LCOR: variants seen among roughly 807,000 people sequenced by gnomAD.
The protein encoded by LCOR is ligand-dependent corepressor.
A neutral mutation model predicts 64.4 loss-of-function variants in LCOR; 14 were observed. The ratio of observed to expected loss-of-function variants is 0.22; its 90% CI spans 0.14 to 0.34. LCOR has a LOEUF of 0.34. Ranked by LOEUF, LCOR falls within the 10% of genes least tolerant of loss-of-function variation. The pLI, the probability that LCOR is intolerant of heterozygous loss-of-function variation, is 1.00. For synonymous variants in LCOR, 643 were observed against 642.5 expected (o/e 1.00, Z -0.01); for missense variants, 1,686 against 1,765.3 (o/e 0.96, Z 0.80).
At chr10:96,905,854 GCTCT>G (rs942111578) in intron 2 of LCOR, among the ~76,000 whole-genome samples, 1 of 152,070 alleles carries the variant, frequency 6.6e-6, no homozygotes, top group African/African-American at 2.4e-5. Context: ...AGAAAAACCA[GCTCT>G]CTAATTACAG....
chr10:96,952,835 A>C (rs2134529165), intron 7 of LCOR, among the ~76,000 whole-genome samples: 1 of 152,328 alleles, frequency 6.6e-6, no homozygotes, highest in East Asian at 1.9e-4. Flanking sequence ...TAGAAAAGTC[A>C]GGTATTAATA....
chr10:96,871,605 A>G (rs1339274956), intron 2 of LCOR, among the ~76,000 whole-genome samples: 2 of 143,222 alleles, frequency 1.4e-5, no homozygotes, highest in Non-Finnish European at 3.0e-5. Context: ...GCTAGTTTTT[A>G]TAGAAACGGA....
At chr10:96,930,705 G>A (rs1395641704) in intron 4 of LCOR, among the ~76,000 whole-genome samples, 1 of 152,180 alleles carries the variant, frequency 6.6e-6, no homozygotes, top group Non-Finnish European at 1.5e-5. Flanking sequence ...CAATGTGATA[G>A]TATTAAGAGG....
intron 5 of LCOR, among the ~76,000 whole-genome samples, chr10:96,945,134 TCTTA>T (rs1171822633): frequency 3.9e-5 from 6 of 152,218 alleles, no homozygotes; most frequent in Non-Finnish European, 7.4e-5. Context: ...TCTTAAATAT[TCTTA>T]CTTAATCTTC....
chr10:96,982,689 C>T lies in LCOR; in HGVS notation c.2229C>T (p.Val743=), dbSNP rs767002864. ...VESGDTQELN[V]DPLLKESSTF... is the part of the protein sequence containing the mutation. ...CTGGAGACACCCAGGAGCTAAATGTCGACCCACTCTTGAAGGAAAGCAGCA... is the reference window on the plus strand; with the variant it reads ...CTGGAGACACCCAGGAGCTAAATGTTGACCCACTCTTGAAGGAAAGCAGCA... Residue 743 remains valine, a synonymous_variant, in exon 8 of 8, where the codon GTC becomes GTT. Transcript: ENST00000421806. 12 of 1,614,050 alleles carry T rather than the reference C, an allele frequency of 7.4e-6. No individual in the cohort carries two copies. Among genetic ancestry groups the T allele is most frequent in the Admixed American group, 3.3e-5 (2 of 60,010 alleles).
At chr10:96,877,584 A>G (rs1412416770) in intron 2 of LCOR, among the ~76,000 whole-genome samples, 1 of 146,376 alleles carries the variant, frequency 6.8e-6, no homozygotes, top group South Asian at 2.1e-4. Context: ...AAGGGTGTCA[A>G]CTCATTTTTC....
chr10:96,983,073 A>G lies in LCOR; in HGVS notation c.2613A>G (p.Leu871=). 6.2e-7 allele frequency: 1 copy of G among 1,613,778 alleles called. No individual in the cohort carries two copies. Among genetic ancestry groups the G allele is most frequent in the East Asian group, 2.2e-5 (1 of 44,862 alleles). The part of the protein sequence containing the change: ...HPGGTTPKGL[L]PDSFHTETLE... The stretch of plus-strand genomic sequence containing the variant: ...GTGGGACAACACCTAAGGGCCTTCT[A>G]CCTGACAGTTTCCACACGGAAACTC... The change falls in exon 8 of 8, where the codon CTA becomes CTG. Residue 871 remains leucine (L), a synonymous_variant. Transcript: ENST00000421806. The surrounding 1 kb of genome is among the most constrained non-coding windows in gnomAD (Gnocchi z 4.5).
chr10:96,840,975 A>G (rs557845194), intron 2 of LCOR, among the ~76,000 whole-genome samples: 1 of 152,180 alleles, frequency 6.6e-6, no homozygotes, highest in African/African-American at 2.4e-5. Flanking sequence ...TTGTCTCCAC[A>G]CAAAATACAA....
intron 2 of LCOR, among the ~76,000 whole-genome samples, chr10:96,900,115 G>A (rs1270382024): frequency 2.0e-5 from 3 of 152,026 alleles, no homozygotes; most frequent in Non-Finnish European, 4.4e-5. Flanking sequence ...AACCACTAAT[G>A]TACTTTCTTC....
chr10:96,952,089 TTG>T lies in LCOR; in HGVS notation c.239-10_239-9del, dbSNP rs764033753. 1.9e-6 allele frequency: 3 copies of T among 1,601,336 alleles called. No individual in the cohort carries two copies. In the Admixed American group the frequency reaches 5.0e-5, roughly 27 times the overall value. ...GCTTTTAATATCCTCAGGTGTTTCT[TTG>T]TGTCTCTGCAGACGGTGTACTTGAT... On this transcript the variant is annotated splice_polypyrimidine_tract_variant and intron_variant, in intron 6 of 7. Transcript: ENST00000421806.
rs1848219308 is a variant in LCOR, at chr10:96,993,601, A to G, written c.*8467A>G. 6.6e-6 allele frequency: 1 copy of G among 152,150 alleles called. No homozygotes were observed. The highest frequency in any genetic ancestry group is 1.5e-5 in the Non-Finnish European group (1 of 68,010). The allele number at this position is 152,150 out of a possible 1,614,324, so 9.4% of individuals were successfully genotyped here. On this transcript the variant is annotated 3_prime_UTR_variant, in exon 8 of 8. Transcript: ENST00000421806. ...TTGTAGTATTATAGAATATATTTTG[A>G]GCAGTGGACTTCCTTTCATAACACA...
intron 2 of LCOR, among the ~76,000 whole-genome samples, chr10:96,875,054 T>G (rs1188623523): frequency 6.6e-6 from 1 of 151,114 alleles, no homozygotes; most frequent in Non-Finnish European, 1.5e-5. Flanking sequence ...CCCCTTAAAA[T>G]TTTTGTGAGC....
chr10:96,925,308 T>G (rs1238246590), intron 4 of LCOR, among the ~76,000 whole-genome samples: 2 of 152,160 alleles, frequency 1.3e-5, no homozygotes, highest in Non-Finnish European at 2.9e-5. Context: ...ACTCCTGATC[T>G]CAGGTGATCA....
chr10:96,931,466 C>A (rs2134489731), intron 4 of LCOR, among the ~76,000 whole-genome samples: 1 of 152,188 alleles, frequency 6.6e-6, no homozygotes, highest in Non-Finnish European at 1.5e-5. Flanking sequence ...AAACTCCTGA[C>A]CTCAAGTGAT....
At chr10:96,961,484 A>AT in intron 7 of LCOR, 1 of 152,280 alleles carries the variant, frequency 6.6e-6, no homozygotes, top group East Asian at 1.9e-4. Context: ...TACCAAAAAA[A>AT]TCTAAAGCAG....
chr10:96,886,606 G>C (rs1401334616), intron 2 of LCOR, among the ~76,000 whole-genome samples: 2 of 152,090 alleles, frequency 1.3e-5, no homozygotes, highest in Non-Finnish European at 2.9e-5. Context: ...CTTAGGACTT[G>C]CTGATTGCTT....
intron 2 of LCOR, among the ~76,000 whole-genome samples, chr10:96,847,703 A>C (rs1845656614): frequency 6.6e-6 from 1 of 152,188 alleles, no homozygotes; most frequent in African/African-American, 2.4e-5. Context: ...TGGCCTCCCA[A>C]AGTGGTGGGA....
chr10:96,904,007 A>G (rs1846686620), intron 2 of LCOR, among the ~76,000 whole-genome samples: 1 of 152,198 alleles, frequency 6.6e-6, no homozygotes, highest in Non-Finnish European at 1.5e-5. Flanking sequence ...AGTGTTTTGT[A>G]AATGGCAGAA....
At chr10:96,866,847 A>G (rs1236114833) in intron 2 of LCOR, among the ~76,000 whole-genome samples, 1 of 152,112 alleles carries the variant, frequency 6.6e-6, no homozygotes, top group Non-Finnish European at 1.5e-5. Flanking sequence ...AAGTGTTGTG[A>G]TTACAGACTT....
Sources: gnomAD v4.1 joint callset for allele counts (sites outside exome capture counted in the v4.1 genomes callset) on GRCh38, gnomAD v4.1.1 for gene constraint, Gnocchi (gnomAD v3.1) non-coding constraint, MANE v1.5 for transcripts, NCBI Gene and HGNC (gene_info 2026-07-23, HGNC 2026-07-21) for gene names.